Variants in EMSY observed in about 807,000 individuals in gnomAD.
EMSY encodes the protein BRCA2-interacting transcriptional repressor EMSY.
Under a neutral mutation model 134.6 loss-of-function variants are expected in EMSY, and 26 were observed. The observed-to-expected ratio is 0.19, with a 90% CI of 0.14 to 0.27. The LOEUF (loss-of-function observed/expected upper bound fraction) is 0.27, where lower values mean the gene tolerates loss of function less well. Among genes scored for constraint, EMSY ranks in the 10% least tolerant of loss-of-function variants. The probability of loss-of-function intolerance (pLI) is 1.00; values close to 1 mark genes in which losing one functional copy is unlikely to be tolerated. For synonymous variants in EMSY, 579 were observed against 577.8 expected, an observed-to-expected ratio of 1.00 and a Z score of -0.03; for missense variants, 1,305 against 1,611.4, an observed-to-expected ratio of 0.81 and a Z score of 3.26.
At chr11:76,550,304 T>TA in exon 21 of EMSY, 1 of 483,224 alleles carries the variant, frequency 2.1e-6, no homozygotes. Flanking sequence ...GGAGCAGCTT[T>TA]TTAAAACAAG....
intron 9 of EMSY, among the ~76,000 whole-genome samples, chr11:76,505,803 A>G (rs1950052838): frequency 6.6e-6 from 1 of 151,604 alleles, no homozygotes. Flanking sequence ...CTTGCAGTGA[A>G]CCAAGATCAC....
At chr11:76,477,289 T>G (rs1948806084) in intron 8 of EMSY, among the ~76,000 whole-genome samples, 1 of 150,568 alleles carries the variant, frequency 6.6e-6, no homozygotes, top group African/African-American at 2.4e-5. Context: ...TTTGTTTTTG[T>G]TTTTTGTTTT....
chr11:76,477,303 TG>T (rs1237288335), intron 8 of EMSY, among the ~76,000 whole-genome samples: 2 of 150,854 alleles, frequency 1.3e-5, no homozygotes, highest in Admixed American at 6.6e-5. Flanking sequence ...TTGTTTTTTT[TG>T]GATTGTCATT....
intron 7 of EMSY, among the ~76,000 whole-genome samples, chr11:76,468,479 A>G (rs1948448547): frequency 6.6e-6 from 1 of 152,146 alleles, no homozygotes; most frequent in Non-Finnish European, 1.5e-5. Flanking sequence ...ACAAGCTGAT[A>G]TGGGTAGGAC....
chr11:76,447,698 T>TCTAGAGTG (rs1232162185), intron 2 of EMSY, among the ~76,000 whole-genome samples: 4 of 152,328 alleles, frequency 2.6e-5, no homozygotes, highest in Admixed American at 6.5e-5. Context: ...GCCCTGTGCA[T>TCTAGAGTG]CTAGAGTGCT....
chr11:76,534,355 G>T (rs1396149977), intron 14 of EMSY, among the ~76,000 whole-genome samples: 1 of 152,146 alleles, frequency 6.6e-6, no homozygotes, highest in Admixed American at 6.6e-5. Context: ...GCTGCTCTGT[G>T]CTTCACATGG....
intron 4 of EMSY, among the ~76,000 whole-genome samples, chr11:76,456,692 T>G (rs1318566860): frequency 3.3e-5 from 5 of 152,220 alleles, no homozygotes; most frequent in Admixed American, 3.3e-4. Flanking sequence ...AATTCCCCTT[T>G]CCTTTGTCTT....
At chr11:76,507,865 C>CTTTTTTTTTTTTTTTTTTTT (rs55756987) in intron 9 of EMSY, among the ~76,000 whole-genome samples, 1 of 118,632 alleles carries the variant, frequency 8.4e-6, no homozygotes, top group Non-Finnish European at 1.9e-5. Flanking sequence ...TTTTCTTTTT[C>CTTTTTTTTTTTTTTTTTTTT]TTTTTTTTTT....
intron 14 of EMSY, among the ~76,000 whole-genome samples, chr11:76,529,890 G>A (rs780975898): frequency 2.1e-4 from 32 of 152,070 alleles, no homozygotes; most frequent in Non-Finnish European, 2.8e-4. Flanking sequence ...ACACTTGGTT[G>A]ATGCTTATTC....
chr11:76,448,567 A>T (rs1426428405), intron 2 of EMSY, among the ~76,000 whole-genome samples: 1 of 152,032 alleles, frequency 6.6e-6, no homozygotes, highest in Non-Finnish European at 1.5e-5. Context: ...GTCTAAATTT[A>T]TTCCTAATTT....
intron 8 of EMSY, among the ~76,000 whole-genome samples, chr11:76,483,181 C>G (rs569681065): frequency 6.6e-6 from 1 of 152,254 alleles, no homozygotes; most frequent in Non-Finnish European, 1.5e-5. Flanking sequence ...GAAATAAAAT[C>G]CTTCACAGAC....
At chr11:76,486,977 T>C (rs1005798635) in intron 8 of EMSY, among the ~76,000 whole-genome samples, 2 of 152,170 alleles carry the variant, frequency 1.3e-5, no homozygotes, top group African/African-American at 4.8e-5. Flanking sequence ...GCAAAAACTG[T>C]TGTTAATAAG....
chr11:76,472,625 A>G (rs772695634), exon 8 of EMSY: 2 of 1,614,070 alleles, frequency 1.2e-6, no homozygotes, highest in East Asian at 2.2e-5. Context: ...TCCAAATCCC[A>G]TAACTATGCA....
downstream of EMSY, chr11:76,552,661 T>G (rs1951863935): frequency 6.6e-6 from 1 of 152,202 alleles, no homozygotes; most frequent in African/African-American, 2.4e-5. Flanking sequence ...ATTGAGATAT[T>G]CACATGCCAT....
chr11:76,550,257 C>T, exon 21 of EMSY: 1 of 802,430 alleles, frequency 1.2e-6, no homozygotes, highest in Non-Finnish European at 1.7e-6. Flanking sequence ...AGGCTGTGGA[C>T]CCTAAAACAG....
At chr11:76,508,590 A>C (rs1950164371) in intron 9 of EMSY, among the ~76,000 whole-genome samples, 1 of 152,212 alleles carries the variant, frequency 6.6e-6, no homozygotes, top group African/African-American at 2.4e-5. Context: ...TGAAGCTTTG[A>C]AGCCAGGCAT....
chr11:76,457,360 C>T (rs1306929110), intron 4 of EMSY, among the ~76,000 whole-genome samples: 1 of 152,152 alleles, frequency 6.6e-6, no homozygotes, highest in African/African-American at 2.4e-5. Context: ...CAGGGTCTTT[C>T]ATAGAGCCAA....
chr11:76,547,056 G>T (rs555717549), intron 20 of EMSY: 3 of 455,004 alleles, frequency 6.6e-6, no homozygotes, highest in African/African-American at 2.0e-5. Flanking sequence ...CTGAGTCCAG[G>T]CTACCCCTTA....
chr11:76,527,376 G>A (rs1950882818), intron 13 of EMSY, among the ~76,000 whole-genome samples: 1 of 152,030 alleles, frequency 6.6e-6, no homozygotes, highest in Non-Finnish European at 1.5e-5. Context: ...ATTGCCTATG[G>A]AGTTTAATTG....
Sources: allele counts gnomAD v4.1 joint callset (sites outside exome capture counted in the v4.1 genomes callset), GRCh38; gene constraint gnomAD v4.1.1; transcripts MANE v1.5; gene names NCBI Gene and HGNC (gene_info 2026-07-23, HGNC 2026-07-21).